The following SH3GL2 variants were observed in gnomAD, a reference collection of about 807,000 sequenced individuals.
SH3GL2 encodes endophilin-A1.
In SH3GL2, 24 loss-of-function variants were observed where a neutral mutation model predicts 46.0. The ratio of observed to expected loss-of-function variants is 0.52; its 90% CI spans 0.38 to 0.73. The LOEUF is 0.73. Among genes scored for constraint, SH3GL2 ranks in the 30% least tolerant of loss-of-function variants. The probability of loss-of-function intolerance (pLI) is 0.00; values close to 1 mark genes in which losing one functional copy is unlikely to be tolerated. For synonymous variants in SH3GL2, 196 were observed against 147.1 expected, an observed-to-expected ratio of 1.33 and a Z score of -2.40; for missense variants, 413 against 424.2, an observed-to-expected ratio of 0.97 and a Z score of 0.23.
chr9:17,759,313 A>G lies in SH3GL2; in HGVS notation c.115-2124A>G, dbSNP rs572519059. 2.2e-4 allele frequency among the ~76,000 whole-genome samples: 34 copies of G among 152,286 alleles called. No homozygotes were observed. The South Asian group carries it at 3.9e-3, about 18-fold the overall frequency. On this transcript the variant is annotated intron_variant, in intron 2 of 8. Transcript: ENST00000380607. ...GACTTTGAGAAGTTTCAAAATAAAA[A>G]CAGAATATGGGATGGCAGGTACCTT...
chr9:17,711,549 A>G (rs1199697042), intron 1 of SH3GL2, among the ~76,000 whole-genome samples: 1 of 151,756 alleles, frequency 6.6e-6, no homozygotes, highest in African/African-American at 2.4e-5. Context: ...AGAGTTTTGG[A>G]TACCTGTAAT....
At chr9:17,591,786 C>A (rs1818485936) in intron 1 of SH3GL2, among the ~76,000 whole-genome samples, 1 of 152,178 alleles carries the variant, frequency 6.6e-6, no homozygotes, top group South Asian at 2.1e-4. Flanking sequence ...TCCAGTAAAA[C>A]TGTGTCTACT....
chr9:17,775,629 T>C (rs1823620955), intron 3 of SH3GL2, among the ~76,000 whole-genome samples: 1 of 152,194 alleles, frequency 6.6e-6, no homozygotes, highest in Non-Finnish European at 1.5e-5. Context: ...TTTGTCCTGC[T>C]CAAGATCTCT....
At chr9:17,642,667 G>A (rs1052841492) in intron 1 of SH3GL2, among the ~76,000 whole-genome samples, 1 of 152,088 alleles carries the variant, frequency 6.6e-6, no homozygotes, top group Non-Finnish European at 1.5e-5. Context: ...TGTTGCAGAT[G>A]TGCGGTGCTA....
chr9:17,694,454 C>G (rs1337565355), intron 1 of SH3GL2, among the ~76,000 whole-genome samples: 1 of 152,004 alleles, frequency 6.6e-6, no homozygotes, highest in South Asian at 2.1e-4. Flanking sequence ...CTATAATTGC[C>G]TTTTATAATA....
chr9:17,753,702 G>A (rs183123765), intron 2 of SH3GL2, among the ~76,000 whole-genome samples: 9 of 152,038 alleles, frequency 5.9e-5, no homozygotes, highest in East Asian at 3.9e-4. Flanking sequence ...GTTAATTTTC[G>A]CCTTGGTTGC....
chr9:17,733,887 T>C (rs1536079), intron 1 of SH3GL2, among the ~76,000 whole-genome samples: 105,908 of 151,014 alleles, frequency 0.7, 37,714 homozygotes, highest in African/African-American at 0.82. Flanking sequence ...AACCAAACAC[T>C]GCATATTCTC....
intron 1 of SH3GL2, among the ~76,000 whole-genome samples, chr9:17,599,067 A>G (rs976639004): frequency 1.3e-5 from 2 of 152,246 alleles, no homozygotes; most frequent in Admixed American, 6.5e-5. Flanking sequence ...AGAATAGATT[A>G]TTTAGTAAAT....
chr9:17,688,107 T>C (rs1820971573), intron 1 of SH3GL2, among the ~76,000 whole-genome samples: 1 of 152,114 alleles, frequency 6.6e-6, no homozygotes, highest in Non-Finnish European at 1.5e-5. Flanking sequence ...ACTTATAAAA[T>C]TAAAATACCT....
intron 1 of SH3GL2, among the ~76,000 whole-genome samples, chr9:17,636,202 G>T (rs12553683): frequency 0.1 from 15,776 of 152,178 alleles, 937 homozygotes; most frequent in Admixed American, 0.16. Flanking sequence ...TGGGATAACC[G>T]TGGATTGAAA....
At chr9:17,763,322 G>C (rs542413545) in intron 3 of SH3GL2, among the ~76,000 whole-genome samples, 1 of 152,262 alleles carries the variant, frequency 6.6e-6, no homozygotes, top group Non-Finnish European at 1.5e-5. Flanking sequence ...AAACTTATAA[G>C]GAATGTGACC....
intron 1 of SH3GL2, among the ~76,000 whole-genome samples, chr9:17,686,696 A>G (rs1820920162): frequency 6.9e-6 from 1 of 145,314 alleles, no homozygotes; most frequent in Non-Finnish European, 1.5e-5. Context: ...AGAACAAAAA[A>G]CCAAACACCG....
At chr9:17,622,996 C>CTTTCCTTTCG (rs1819183499) in intron 1 of SH3GL2, among the ~76,000 whole-genome samples, 1 of 81,604 alleles carries the variant, frequency 1.2e-5, no homozygotes, top group Non-Finnish European at 2.7e-5. Flanking sequence ...GTTTCCTTTC[C>CTTTCCTTTCG]TTTCCTTTCC....
intron 1 of SH3GL2, among the ~76,000 whole-genome samples, chr9:17,656,902 G>A (rs2182087): frequency 0.55 from 83,461 of 151,760 alleles, 24,193 homozygotes; most frequent in African/African-American, 0.72. Context: ...AAACACTTAA[G>A]AAGTTCTTAT....
intron 1 of SH3GL2, among the ~76,000 whole-genome samples, chr9:17,618,397 G>A (rs1819055320): frequency 6.6e-6 from 1 of 152,208 alleles, no homozygotes; most frequent in Non-Finnish European, 1.5e-5. Flanking sequence ...ATGGAGAGGA[G>A]CATAAGTGAG....
chr9:17,582,356 T>G (rs1445551747), intron 1 of SH3GL2, among the ~76,000 whole-genome samples: 1 of 152,232 alleles, frequency 6.6e-6, no homozygotes, highest in African/African-American at 2.4e-5. Flanking sequence ...ATAATTAGAA[T>G]AAAGTATTCT....
At chr9:17,613,076 C>T (rs1010505304) in intron 1 of SH3GL2, among the ~76,000 whole-genome samples, 1 of 152,108 alleles carries the variant, frequency 6.6e-6, no homozygotes, top group Non-Finnish European at 1.5e-5. Flanking sequence ...CAGAGATTCA[C>T]CTTTATCCTA....
chr9:17,780,543 A>G (rs1243163885), intron 3 of SH3GL2, among the ~76,000 whole-genome samples: 1 of 142,294 alleles, frequency 7.0e-6, no homozygotes, highest in African/African-American at 2.6e-5. Flanking sequence ...GGTTAGTTAC[A>G]TATGTATACA....
chr9:17,767,695 G>T (rs972815564), intron 3 of SH3GL2, among the ~76,000 whole-genome samples: 1 of 152,206 alleles, frequency 6.6e-6, no homozygotes, highest in African/African-American at 2.4e-5. Context: ...TAAGGGATGT[G>T]TGCTGAGTCT....
Sources: allele counts gnomAD v4.1 joint callset (sites outside exome capture counted in the v4.1 genomes callset), GRCh38; gene constraint gnomAD v4.1.1; transcripts MANE v1.5; gene names NCBI Gene and HGNC (gene_info 2026-07-23, HGNC 2026-07-21).